FRMPD4: variants seen among roughly 807,000 people sequenced by gnomAD.
The protein encoded by FRMPD4 is FERM and PDZ domain-containing protein 4.
In FRMPD4, 22 loss-of-function variants were observed where a neutral mutation model predicts 94.1. The ratio of observed to expected loss-of-function variants is 0.23; its 90% CI spans 0.17 to 0.33. The LOEUF (loss-of-function observed/expected upper bound fraction) is 0.33, where lower values mean the gene tolerates loss of function less well. Among genes scored for constraint, FRMPD4 ranks in the 10% least tolerant of loss-of-function variants. The pLI is 1.00. For missense variants in FRMPD4, 1,111 were observed against 1,339.9 expected (o/e 0.83, Z 2.67); for synonymous variants, 631 against 548.6 (o/e 1.15, Z -2.10).
intron 3 of FRMPD4, among the ~76,000 whole-genome samples, chrX:11,962,958 C>T (rs2054291259): frequency 8.9e-6 from 1 of 112,111 alleles, no homozygotes. Flanking sequence ...ATACATCCAG[C>T]TGACTTGGTT....
chrX:12,572,452 GAA>G (rs2058769118), intron 2 of FRMPD4, among the ~76,000 whole-genome samples: 1 of 112,418 alleles, frequency 8.9e-6, no homozygotes, highest in African/African-American at 3.2e-5. Flanking sequence ...GCTGCCTTTA[GAA>G]AAAGACATGC....
intron 1 of FRMPD4, among the ~76,000 whole-genome samples, chrX:11,846,763 A>C (rs1442568425): frequency 9.1e-6 from 1 of 109,782 alleles, no homozygotes; most frequent in Non-Finnish European, 1.9e-5. Flanking sequence ...CAAACCTGAG[A>C]AAAACAAGCA....
intron 1 of FRMPD4, among the ~76,000 whole-genome samples, chrX:12,490,574 G>A (rs1470291940): frequency 1.8e-5 from 2 of 111,978 alleles, no homozygotes; most frequent in Non-Finnish European, 3.8e-5. Flanking sequence ...AATGATAGCA[G>A]CTTTTGATCA....
At chrX:12,410,285 G>A (rs1026298971) in intron 1 of FRMPD4, among the ~76,000 whole-genome samples, 8 of 111,207 alleles carry the variant, frequency 7.2e-5, no homozygotes, top group Non-Finnish European at 1.5e-4. Context: ...TTTTTGCAAG[G>A]GTGTATTATT....
intron 2 of FRMPD4, among the ~76,000 whole-genome samples, chrX:12,556,930 G>A (rs947279106): frequency 9.9e-5 from 11 of 111,418 alleles, no homozygotes; most frequent in African/African-American, 2.9e-4. Flanking sequence ...CTGCAGCCTC[G>A]ACCTGCTGAG....
At chrX:12,459,166 G>C (rs2057367129) in intron 1 of FRMPD4, among the ~76,000 whole-genome samples, 1 of 110,286 alleles carries the variant, frequency 9.1e-6, no homozygotes, top group African/African-American at 3.3e-5. Context: ...CAAGCGTGGG[G>C]ATTTGTCAGG....
chrX:11,869,828 G>T (rs2053745968), intron 2 of FRMPD4, among the ~76,000 whole-genome samples: 1 of 111,214 alleles, frequency 9.0e-6, no homozygotes, highest in Admixed American at 9.6e-5. Flanking sequence ...AATTATAAGT[G>T]CTTAAGTAAA....
chrX:11,894,104 A>G (rs1337579533), intron 3 of FRMPD4, among the ~76,000 whole-genome samples: 1 of 111,887 alleles, frequency 8.9e-6, no homozygotes, highest in Non-Finnish European at 1.9e-5. Context: ...CTGAGCCTGC[A>G]GCCTGCTTGT....
chrX:12,439,813 T>C (rs1275769758), intron 1 of FRMPD4, among the ~76,000 whole-genome samples: 2 of 111,818 alleles, frequency 1.8e-5, no homozygotes, highest in Non-Finnish European at 3.8e-5. Context: ...ATGCCGTATT[T>C]TGACTTGGTT....
intron 1 of FRMPD4, among the ~76,000 whole-genome samples, chrX:12,445,300 T>C (rs2057181980): frequency 8.9e-6 from 1 of 112,414 alleles, no homozygotes; most frequent in African/African-American, 3.2e-5. Context: ...GTGATTGTAA[T>C]GTGTGCTAAC....
Position 12,512,570 on chromosome X carries a change from G to A in FRMPD4, c.158+13774G>A, listed in dbSNP as rs778024400. Among the ~76,000 whole-genome samples, 5 of 112,773 alleles carry A rather than the reference G, an allele frequency of 4.4e-5. No individual in the cohort carries two copies. In the East Asian group the frequency reaches 1.4e-3, roughly 31 times the overall value. On this transcript the variant is annotated intron_variant, in intron 2 of 16. Coordinates refer to ENST00000675598, the MANE Select transcript of FRMPD4 (RefSeq NM_001368397.1). Reference sequence around the variant, plus strand: ...CAAGATCTCATTCCTTTTTATGGCTGCATAGTATTCTGTGGTGTATATGTA... The same window carrying A: ...CAAGATCTCATTCCTTTTTATGGCTACATAGTATTCTGTGGTGTATATGTA...
intron 3 of FRMPD4, among the ~76,000 whole-genome samples, chrX:11,944,303 A>G (rs1314057008): frequency 8.9e-6 from 1 of 112,228 alleles, no homozygotes; most frequent in African/African-American, 3.2e-5. Flanking sequence ...GTGAGCATGA[A>G]TAAGGGGTAG....
intron 1 of FRMPD4, among the ~76,000 whole-genome samples, chrX:12,462,372 TAAG>T (rs1422087626): frequency 5.3e-5 from 6 of 112,393 alleles, no homozygotes; most frequent in African/African-American, 1.6e-4. Context: ...ATTATTTTCC[TAAG>T]AAGAACAGAA....
rs761686204 is a variant in FRMPD4, at chrX:12,216,671, T to TA, written c.41+77667dup. Reference sequence around the variant, plus strand: ...TAACCAGGAACTCACTGTCCTGGGCTAAAAAAAATTTCTGCCATGTTCCAC... The same window carrying TA: ...TAACCAGGAACTCACTGTCCTGGGCTAAAAAAAAATTTCTGCCATGTTCCAC... On this transcript the variant is annotated intron_variant, in intron 1 of 16. Coordinates refer to ENST00000675598, the MANE Select transcript of FRMPD4 (RefSeq NM_001368397.1). Among the ~76,000 whole-genome samples the TA allele has an allele frequency of 8.1e-5, 9 of 111,730 alleles. No individual in the cohort carries two copies. The East Asian group carries it at 8.4e-4, about 10-fold the overall frequency.
intron 3 of FRMPD4, among the ~76,000 whole-genome samples, chrX:12,050,994 T>C (rs2054814284): frequency 1.8e-5 from 2 of 111,786 alleles, no homozygotes; most frequent in Admixed American, 9.5e-5. Flanking sequence ...GGAGGATGAA[T>C]GAGCCAGAGC....
intron 2 of FRMPD4, among the ~76,000 whole-genome samples, chrX:12,540,819 A>T (rs1455916255): frequency 8.9e-6 from 1 of 111,961 alleles, no homozygotes; most frequent in Non-Finnish European, 1.9e-5. Context: ...ACCTATTCCA[A>T]AATTGACCAC....
At chrX:12,243,508 TC>T (rs1228071657) in intron 1 of FRMPD4, among the ~76,000 whole-genome samples, 1 of 111,851 alleles carries the variant, frequency 8.9e-6, no homozygotes, top group Non-Finnish European at 1.9e-5. Context: ...TGTACAAATG[TC>T]TTATATGTTG....
At chrX:12,042,811 A>G (rs934700499) in intron 3 of FRMPD4, among the ~76,000 whole-genome samples, 5 of 112,105 alleles carry the variant, frequency 4.5e-5, no homozygotes, top group African/African-American at 1.6e-4. Flanking sequence ...ACCTAAGGCT[A>G]GCAAGACCGT....
In FRMPD4 at chrX:12,417,855, G is replaced by A. The variant is rs780615958; in HGVS notation, c.42-80825G>A. On this transcript the variant is annotated intron_variant, in intron 1 of 16. Coordinates refer to ENST00000675598, the MANE Select transcript of FRMPD4 (RefSeq NM_001368397.1). ...AAACCCCGTCTCTACTTAGCCGGGC[G>A]TGGTGGTGGGCGCCTGTAGTCCCAG... Among the ~76,000 whole-genome samples the A allele has an allele frequency of 1.0e-4, 11 of 107,728 alleles. No homozygotes were observed. The East Asian group carries it at 1.8e-3, about 17-fold the overall frequency. The allele number at this position is 107,728 out of a possible 115,157, so 93.5% of individuals were successfully genotyped here.
Sources: gnomAD v4.1 joint callset for allele counts (sites outside exome capture counted in the v4.1 genomes callset) on GRCh38, gnomAD v4.1.1 for gene constraint, MANE v1.5 for transcripts, NCBI Gene and HGNC (gene_info 2026-07-23, HGNC 2026-07-21) for gene names.